The following DAAM2 variants were observed in gnomAD, a reference collection of about 807,000 sequenced individuals.
The protein encoded by DAAM2 is dishevelled associated activator of morphogenesis 2, also known as disheveled-associated activator of morphogenesis 2.
DAAM2 carries 39 observed loss-of-function variants against 120.7 expected under a neutral mutation model. That is an observed-to-expected ratio of 0.32 (90% CI 0.25 to 0.42). The LOEUF is 0.42. Ranked by LOEUF, DAAM2 falls within the 10% of genes least tolerant of loss-of-function variation. The pLI is 1.00. For missense variants in DAAM2, 1,283 were observed against 1,401.7 expected (o/e 0.92, Z 1.35); for synonymous variants, 488 against 524.9 (o/e 0.93, Z 0.96).
At chr6:39,870,581 G>C (rs1325432509) in intron 8 of DAAM2, 138 bp downstream of exon 8, 17 of 653,880 alleles carry the variant, frequency 2.6e-5, no homozygotes, top group Non-Finnish European at 4.4e-5. Flanking sequence ...AATCAGCTCT[G>C]TGGGGGGAAG....
chr6:39,871,252 A>G (rs983791609), intron 8 of DAAM2, among the ~76,000 whole-genome samples: 1 of 152,224 alleles, frequency 6.6e-6, no homozygotes, highest in African/African-American at 2.4e-5. Context: ...AAATGTCAGT[A>G]GTGCCGAAGT....
intron 1 of DAAM2, among the ~76,000 whole-genome samples, chr6:39,852,411 G>T (rs1763840292): frequency 6.6e-6 from 1 of 152,184 alleles, no homozygotes; most frequent in Admixed American, 6.5e-5. Flanking sequence ...CCAGGGAAAA[G>T]CACAGCTCCC....
chr6:39,872,348 G>A (rs116791854), intron 9 of DAAM2, among the ~76,000 whole-genome samples: 114 of 152,204 alleles, frequency 7.5e-4, no homozygotes, highest in Non-Finnish European at 1.3e-3. Flanking sequence ...TAGTATGCAG[G>A]CTGTGGAAGC....
intron 7 of DAAM2, 45 bp from the exon 8 acceptor site, chr6:39,870,295 A>ACTGAGAT (rs1198026901): frequency 8.0e-7 from 1 of 1,256,996 alleles, no homozygotes; most frequent in Non-Finnish European, 1.1e-6. Flanking sequence ...TGTTGTGGAA[A>ACTGAGAT]CTGAGATCTG....
intron 1 of DAAM2, among the ~76,000 whole-genome samples, chr6:39,850,683 G>A (rs189269357): frequency 5.3e-5 from 8 of 152,274 alleles, no homozygotes; most frequent in East Asian, 1.9e-4. Context: ...AGAAGGGATC[G>A]TGGTATCATT....
chr6:39,836,602 C>T (rs1313357889), intron 1 of DAAM2, among the ~76,000 whole-genome samples: 1 of 152,208 alleles, frequency 6.6e-6, no homozygotes, highest in African/African-American at 2.4e-5. Context: ...CTTCTCACAG[C>T]TACAGAGCCT....
intron 1 of DAAM2, among the ~76,000 whole-genome samples, chr6:39,824,237 C>T (rs1762588828): frequency 6.6e-6 from 1 of 152,164 alleles, no homozygotes; most frequent in South Asian, 2.1e-4. Flanking sequence ...AGTAGGCACT[C>T]AGGAAGTATT....
rs137901955 is a variant in DAAM2 at position 39,903,809 on chromosome 6, G to GGTGT, written c.*1781_*1784dup. ...TGTGCGTTGGTTTGAGGGGGCGGGC[G>GGTGT]GTGTGTGTGTGTTCTGGTGGGAGGG... On this transcript the variant is annotated 3_prime_UTR_variant, in exon 25 of 25. Coordinates refer to ENST00000274867, the MANE Select transcript of DAAM2 (RefSeq NM_001201427.2). 1 of 197,030 alleles carries GGTGT rather than the reference G, an allele frequency of 5.1e-6. No individual in the cohort carries two copies. The highest frequency in any genetic ancestry group is 5.3e-5 in the Admixed American group (1 of 18,736). 12.2% of individuals were successfully genotyped at this position (197,030 alleles called of 1,614,324 possible). A position where few individuals can be genotyped will look rare whatever the true frequency, so the allele number is the denominator to read the frequency against.
chr6:39,807,136 G>A (rs1446429392), intron 1 of DAAM2, among the ~76,000 whole-genome samples: 1 of 151,034 alleles, frequency 6.6e-6, no homozygotes, highest in Non-Finnish European at 1.5e-5. Flanking sequence ...CCAGAAGACT[G>A]GTTAAATAAT....
chr6:39,825,094 A>G (rs1003771032), intron 1 of DAAM2, among the ~76,000 whole-genome samples: 1 of 152,096 alleles, frequency 6.6e-6, no homozygotes, highest in African/African-American at 2.4e-5. Context: ...TGAATTTAAG[A>G]AGGGTCTTTG....
At chr6:39,875,564 C>T (rs1764837715) in intron 11 of DAAM2, 96 bp downstream of exon 11, 1 of 1,413,362 alleles carries the variant, frequency 7.1e-7, no homozygotes, top group Non-Finnish European at 9.6e-7. Flanking sequence ...CCTTTCGCAA[C>T]CCAGTCATCC....
Position 39,860,987 on chromosome 6 carries a change from G to T in DAAM2, c.228G>T (p.Lys76Asn). The change falls in exon 3 of 25, where the codon AAG becomes AAT. Residue 76 changes from lysine to asparagine, a missense_variant. Coordinates refer to ENST00000274867, the MANE Select transcript of DAAM2 (RefSeq NM_001201427.2). ...CTATGTTTGCACTGCCCCCTGAGAA[G>T]AAATGGCAGATCTACTGCAGCAAGA... ...REAMFALPPE[K>N]KWQIYCSKKK... is the part of the protein sequence containing the mutation. 2.5e-6 allele frequency: 4 copies of T among 1,612,706 alleles called. No homozygotes were observed. The highest frequency in any genetic ancestry group is 3.4e-6 in the Non-Finnish European group (4 of 1,179,434).
intron 3 of DAAM2, 78 bp downstream of exon 3, chr6:39,861,095 C>T (rs746825469): frequency 1.9e-5 from 19 of 1,020,128 alleles, no homozygotes; most frequent in South Asian, 2.7e-5. Flanking sequence ...CATGCTCATG[C>T]ATTCACCTGA....
At chr6:39,867,326 A>G in intron 5 of DAAM2, 184 bp from the exon 6 acceptor site, 1 of 608,272 alleles carries the variant, frequency 1.6e-6, no homozygotes, top group Non-Finnish European at 2.9e-6. Context: ...TAAAATGCAA[A>G]TAAGACACAA....
rs956588225 is a variant in DAAM2, at chr6:39,903,583, A to G, written c.*1546A>G. 2.0e-5 allele frequency: 3 copies of G among 153,422 alleles called. No homozygotes were observed. The highest frequency in any genetic ancestry group is 4.3e-5 in the Non-Finnish European group (3 of 68,998). 9.5% of individuals were successfully genotyped at this position (153,422 alleles called of 1,614,324 possible). On this transcript the variant is annotated 3_prime_UTR_variant, in exon 25 of 25. Coordinates refer to ENST00000274867, the MANE Select transcript of DAAM2 (RefSeq NM_001201427.2). ...TGGCCCTGCCTAACCTCTACCATCA[A>G]TGAGCTCTTGGCCCTTCTGCCCTTC...
In DAAM2 at chr6:39,857,105, A is replaced by AC. The variant is rs758934582; in HGVS notation, c.168+635_168+636insC. ...GACCAGCTTTCAGACTGCCCTTGTG[A>AC]GAAGCCCGTGTGTGTGCAGCTTTAT... On this transcript the variant is annotated intron_variant, in intron 2 of 24. Coordinates refer to ENST00000274867, the MANE Select transcript of DAAM2 (RefSeq NM_001201427.2). Among the ~76,000 whole-genome samples the AC allele has an allele frequency of 5.3e-5, 8 of 152,350 alleles. No homozygotes were observed. The East Asian group carries it at 1.2e-3, about 22-fold the overall frequency.
Position 39,856,366 on chromosome 6 carries a change from A to G in DAAM2, c.64A>G (p.Ile22Val), listed in dbSNP as rs979601420. The G allele has an allele frequency of 3.9e-6, 6 of 1,553,940 alleles. No individual in the cohort carries two copies. The African/African-American group carries it at 5.5e-5, about 14-fold the overall frequency. The stretch of plus-strand genomic sequence containing the variant: ...CCTGTGCTGCTTCGGGGGCAGTGAC[A>G]TCCCCGAAATCAACCTCCGGGACAA... ...GFLCCFGGSD[I>V]PEINLRDNHP... Residue 22 changes from isoleucine (I) to valine (V), a missense_variant, in exon 2 of 25, where the codon ATC (isoleucine) becomes GTC (valine). This residue lies in a region of DAAM2 where 197 missense variants were observed against 189.3 expected (regional missense o/e 1.04). Coordinates refer to ENST00000274867, the MANE Select transcript of DAAM2 (RefSeq NM_001201427.2).
Position 39,901,914 on chromosome 6 carries a change from G to T in DAAM2, c.3084G>T (p.Ser1028=). The T allele has an allele frequency of 6.2e-7, 1 of 1,608,520 alleles. No individual in the cohort carries two copies. ...EEGGEFDDLV[S]ALRSGEVFDK... ...GAGGAGAGTTCGATGACCTGGTGTCGGCCCTGCGCTCTGGGGAGGTCTTCG... is the reference window on the plus strand; with the variant it reads ...GAGGAGAGTTCGATGACCTGGTGTCTGCCCTGCGCTCTGGGGAGGTCTTCG... Residue 1028 remains serine, a synonymous_variant, in exon 25 of 25, where the codon TCG becomes TCT. Transcript: ENST00000274867. The surrounding 1 kb of genome is among the most constrained non-coding windows in gnomAD (Gnocchi z 4.5).
chr6:39,807,752 A>G (rs1762050184), intron 1 of DAAM2, among the ~76,000 whole-genome samples: 1 of 152,140 alleles, frequency 6.6e-6, no homozygotes, highest in African/African-American at 2.4e-5. Flanking sequence ...TCTGACCTCA[A>G]GTGACCCGCC....
Sources: allele counts gnomAD v4.1 joint callset (sites outside exome capture counted in the v4.1 genomes callset), GRCh38; gene constraint gnomAD v4.1.1; regional missense constraint gnomAD v4.1.1; non-coding constraint Gnocchi (gnomAD v3.1); transcripts MANE v1.5; gene names NCBI Gene and HGNC (gene_info 2026-07-23, HGNC 2026-07-21).